TATDN2: variants seen among roughly 807,000 people sequenced by gnomAD.
The protein encoded by TATDN2 is TatD DNase domain containing 2.
A neutral mutation model predicts 60.3 loss-of-function variants in TATDN2; 44 were observed. The observed-to-expected ratio is 0.73, with a 90% CI of 0.57 to 0.94. The LOEUF is 0.94. Ranked by LOEUF, TATDN2 falls within the 40% of genes least tolerant of loss-of-function variation. The pLI, the probability that TATDN2 is intolerant of heterozygous loss-of-function variation, is 0.00. For synonymous variants in TATDN2, 399 were observed against 355.8 expected, an observed-to-expected ratio of 1.12 and a Z score of -1.37; for missense variants, 997 against 948.0, an observed-to-expected ratio of 1.05 and a Z score of -0.68.
intron 3 of TATDN2, among the ~76,000 whole-genome samples, chr3:10,268,908 A>G (rs1176909411): frequency 1.3e-5 from 2 of 152,198 alleles, no homozygotes; most frequent in Admixed American, 6.5e-5. Context: ...TTCAGTCACT[A>G]TTACTAGTTA....
rs773561537 is a variant in TATDN2 at position 10,270,309 on chromosome 3, G to C, written c.1127G>C (p.Ser376Thr). ...DYVMYPPHLY[S>T]SPWCDYASYW... ...GTCATGTACCCTCCTCATTTGTACA[G>C]TAGTCCTTGGTGTGACTACGCCAGC... The change falls in exon 4 of 8, where the codon AGT becomes ACT. Residue 376 changes from serine to threonine, a missense_variant. Ser to Thr is a moderately conservative substitution (Grantham distance 58). Coordinates refer to ENST00000448281, the MANE Select transcript of TATDN2 (RefSeq NM_014760.4). The C allele has an allele frequency of 6.2e-7, 1 of 1,614,180 alleles. No individual in the cohort carries two copies. The highest frequency in any genetic ancestry group is 1.7e-5 in the Admixed American group (1 of 60,032).
rs546405964 is a variant in TATDN2 at position 10,270,183 on chromosome 3, C to A, written c.1001C>A (p.Ser334Tyr). The change falls in exon 4 of 8, where the codon TCT (serine) becomes TAT (tyrosine). Residue 334 changes from serine (S) to tyrosine (Y), a missense_variant. Physicochemically the swap from Ser to Tyr is moderately radical, Grantham distance 144. Coordinates refer to ENST00000448281, the MANE Select transcript of TATDN2 (RefSeq NM_014760.4). ...MEHPSSGSDWSDVEEISTVRF... is the reference protein window; with the variant it reads ...MEHPSSGSDWYDVEEISTVRF... The stretch of plus-strand genomic sequence containing the variant: ...CACCCCTCTTCTGGAAGTGACTGGT[C>A]TGATGTTGAGGAGATCTCCACAGTC... 1 of 1,613,768 alleles carries A rather than the reference C, an allele frequency of 6.2e-7. No individual in the cohort carries two copies. Among genetic ancestry groups the A allele is most frequent in the East Asian group, 2.2e-5 (1 of 44,868 alleles).
intron 2 of TATDN2, among the ~76,000 whole-genome samples, chr3:10,257,597 C>CAAAAAAAAA (rs1196293139): frequency 1.4e-5 from 1 of 69,190 alleles, no homozygotes; most frequent in Admixed American, 1.5e-4. Context: ...CCACTGTCTC[C>CAAAAAAAAA]AAAAAAAAAA....
intron 3 of TATDN2, among the ~76,000 whole-genome samples, chr3:10,262,527 CTTTTTTTTTTT>C (rs60747520): frequency 2.8e-4 from 17 of 59,984 alleles, no homozygotes; most frequent in South Asian, 7.2e-4. Context: ...TTCTTCTGGG[CTTTTTTTTTTT>C]TTTTTTTTTT....
At chr3:10,273,607 AAAAG>A (rs1698596585) in intron 4 of TATDN2, among the ~76,000 whole-genome samples, 2 of 152,240 alleles carry the variant, frequency 1.3e-5, no homozygotes, top group African/African-American at 2.4e-5. Flanking sequence ...TTAAAAAAAA[AAAAG>A]AGCCTGTGGA....
chr3:10,259,702 G>A (rs573313475), intron 2 of TATDN2, among the ~76,000 whole-genome samples: 25 of 152,324 alleles, frequency 1.6e-4, no homozygotes, highest in African/African-American at 5.8e-4. Flanking sequence ...AGAACTGGGG[G>A]ATTGGAGTTC....
At chr3:10,274,197 G>T (rs1698603789) in intron 4 of TATDN2, among the ~76,000 whole-genome samples, 1 of 152,156 alleles carries the variant, frequency 6.6e-6, no homozygotes, top group South Asian at 2.1e-4. Flanking sequence ...CCAACCACAA[G>T]TTCCTGCATT....
At position 10,279,762 on chromosome 3, in the gene TATDN2, C is replaced by T. The variant is rs1559466022; in HGVS notation, c.*580C>T. On this transcript the variant is annotated 3_prime_UTR_variant, in exon 8 of 8. Transcript: ENST00000448281. Reference sequence around the variant, plus strand: ...TTGACTGTCACTGTTCTGGTGTCAACTCCAGCGTCGGCACAGGCAGAAGGA... The same window carrying T: ...TTGACTGTCACTGTTCTGGTGTCAATTCCAGCGTCGGCACAGGCAGAAGGA... 1 of 152,550 alleles carries T rather than the reference C, an allele frequency of 6.6e-6. No individual in the cohort carries two copies. Among genetic ancestry groups the T allele is most frequent in the Admixed American group, 6.5e-5 (1 of 15,274 alleles). 9.4% of individuals were successfully genotyped at this position (152,550 alleles called of 1,614,324 possible).
At chr3:10,255,393 C>T (rs936812912) in intron 2 of TATDN2, among the ~76,000 whole-genome samples, 8 of 152,120 alleles carry the variant, frequency 5.3e-5, no homozygotes, top group Non-Finnish European at 7.4e-5. Context: ...AGTTTGAATC[C>T]CGGTTCTGCC....
Position 10,270,991 on chromosome 3 carries a change from C to A in TATDN2, c.1809C>A (p.Thr603=). 6.3e-7 allele frequency: 1 copy of A among 1,598,764 alleles called. No individual in the cohort carries two copies. Among genetic ancestry groups the A allele is most frequent in the Non-Finnish European group, 8.5e-7 (1 of 1,173,764 alleles). ...EMGLDYSYKC[T]TPVPEQHKVF... is the part of the protein sequence containing the mutation. ...GCTTGGATTACTCTTACAAGTGCAC[C>A]ACGCCTGTCCCAGAACAGCACAAGG... Residue 603 remains threonine (T), a synonymous_variant, in exon 4 of 8, where the codon ACC becomes ACA. Coordinates refer to ENST00000448281, the MANE Select transcript of TATDN2 (RefSeq NM_014760.4).
At chr3:10,258,660 G>A (rs921215297) in intron 2 of TATDN2, among the ~76,000 whole-genome samples, 1 of 152,008 alleles carries the variant, frequency 6.6e-6, no homozygotes, top group African/African-American at 2.4e-5. Flanking sequence ...AGTAGACACA[G>A]TGTTTTGCCA....
At chr3:10,276,582 C>T in intron 5 of TATDN2, 94 bp downstream of exon 5, 1 of 1,443,254 alleles carries the variant, frequency 6.9e-7, no homozygotes, top group Non-Finnish European at 9.2e-7. Flanking sequence ...TCATTATACA[C>T]TATCTATTCT....
intron 2 of TATDN2, among the ~76,000 whole-genome samples, chr3:10,252,472 G>C (rs898275406): frequency 6.6e-6 from 1 of 152,126 alleles, no homozygotes; most frequent in Non-Finnish European, 1.5e-5. Flanking sequence ...TAAAAACCAA[G>C]TGTACAGTAC....
At chr3:10,253,743 A>ACATAT (rs1698263647) in intron 2 of TATDN2, among the ~76,000 whole-genome samples, 1 of 152,230 alleles carries the variant, frequency 6.6e-6, no homozygotes, top group South Asian at 2.1e-4. Context: ...TATTATCTCC[A>ACATAT]CATATCCATT....
intron 2 of TATDN2, among the ~76,000 whole-genome samples, chr3:10,257,841 ATTTTTTTTTTTTTTTTTTTTTT>A (rs553265148): frequency 3.3e-5 from 1 of 30,260 alleles, no homozygotes; most frequent in Non-Finnish European, 7.0e-5. Flanking sequence ...AAGGTTTATG[ATTTTTTTTTTTTTTTTTTTTTT>A]TTTTTTTTTT....
At chr3:10,273,313 A>T (rs1360334752) in intron 4 of TATDN2, among the ~76,000 whole-genome samples, 1 of 150,932 alleles carries the variant, frequency 6.6e-6, no homozygotes, top group African/African-American at 2.4e-5. Flanking sequence ...TGATGTAAAT[A>T]AAAAATTTGG....
At chr3:10,250,822 T>G (rs993498125) in intron 2 of TATDN2, among the ~76,000 whole-genome samples, 4 of 152,254 alleles carry the variant, frequency 2.6e-5, no homozygotes, top group Non-Finnish European at 4.4e-5. Context: ...CTCATACAAG[T>G]TAATCTTGCC....
In TATDN2 at chr3:10,259,562, A is replaced by G. The variant is rs75159999; in HGVS notation, c.415-575A>G. Among the ~76,000 whole-genome samples the G allele has an allele frequency of 2.2e-3, 333 of 152,330 alleles. 3 individuals are homozygous for G. Among genetic ancestry groups the G allele is most frequent in the Non-Finnish European group, 2.6e-3 (176 of 68,028 alleles). ...GGAGGTTTGTTGTTGGGAGCAGTCT[A>G]TCTTGACTGACCCTGGTGCAGTCAC... On this transcript the variant is annotated intron_variant, in intron 2 of 7. Coordinates refer to ENST00000448281, the MANE Select transcript of TATDN2 (RefSeq NM_014760.4).
At chr3:10,269,155 T>C (rs115957376) in intron 3 of TATDN2, among the ~76,000 whole-genome samples, 2,136 of 152,310 alleles carry the variant, frequency 0.014, 41 homozygotes, top group African/African-American at 0.049. Flanking sequence ...CACACCTACA[T>C]GTGGCCTCTC....
Sources: gnomAD v4.1 joint callset for allele counts (sites outside exome capture counted in the v4.1 genomes callset) on GRCh38, gnomAD v4.1.1 for gene constraint, MANE v1.5 for transcripts, NCBI Gene and HGNC (gene_info 2026-07-23, HGNC 2026-07-21) for gene names.